The following GRM4 variants were observed in gnomAD, a reference collection of about 807,000 sequenced individuals.
The protein encoded by GRM4 is glutamate metabotropic receptor 4, also known as metabotropic glutamate receptor 4.
Under a neutral mutation model 81.7 loss-of-function variants are expected in GRM4, and 28 were observed. That is an observed-to-expected ratio of 0.34 (90% confidence interval 0.25 to 0.47). GRM4 has a LOEUF of 0.47. GRM4 is among the 20% of genes least tolerant of loss of function. The pLI is 1.00. For synonymous variants in GRM4, 488 were observed against 528.8 expected (o/e 0.92, Z 1.06); for missense variants, 948 against 1,290.0 (o/e 0.73, Z 4.06).
At chr6:34,103,534 C>A in intron 2 of GRM4, 4 of 1,430,016 alleles carry the variant, frequency 2.8e-6, no homozygotes, top group Non-Finnish European at 3.8e-6. Flanking sequence ...CAAATCAGCA[C>A]TTGTCCTATT....
chr6:34,033,069 G>A (rs1764513748), intron 9 of GRM4, among the ~76,000 whole-genome samples: 1 of 152,120 alleles, frequency 6.6e-6, no homozygotes, highest in South Asian at 2.1e-4. Context: ...AGGCGTGAGG[G>A]CCTCTGCCTG....
intron 8 of GRM4, among the ~76,000 whole-genome samples, chr6:34,038,314 T>C (rs1562015339): frequency 6.6e-6 from 1 of 152,258 alleles, no homozygotes; most frequent in Non-Finnish European, 1.5e-5. Flanking sequence ...CTTTGTTACT[T>C]GGAGTGACCT....
intron 3 of GRM4, among the ~76,000 whole-genome samples, chr6:34,081,591 C>T (rs558047242): frequency 5.9e-5 from 9 of 152,294 alleles, no homozygotes; most frequent in African/African-American, 1.9e-4. Flanking sequence ...AATGAAAAAC[C>T]GGAGGCTCAG....
rs1374152279 is a variant in GRM4, at chr6:34,074,470, C to A, written c.737-12442G>T. On this transcript the variant is annotated intron_variant, in intron 3 of 10. Transcript: ENST00000538487. The surrounding 1 kb of genome is among the most constrained non-coding windows in gnomAD (Gnocchi z 4.9). ...ACATCTCAGAGCTGAGCCCTTCCGC[C>A]CCCTACCAGGAGGCTGCTGGGCAGC... Among the ~76,000 whole-genome samples the A allele has an allele frequency of 6.6e-6, 1 of 151,212 alleles. No homozygotes were observed. The highest frequency in any genetic ancestry group is 1.5e-5 in the Non-Finnish European group (1 of 67,978).
In GRM4 at chr6:34,068,163, G is replaced by A. The variant is rs574603499; in HGVS notation, c.737-6135C>T. 6.6e-5 allele frequency among the ~76,000 whole-genome samples: 10 copies of A among 152,160 alleles called. No homozygotes were observed. Among genetic ancestry groups the A allele is most frequent in the East Asian group, 1.9e-4 (1 of 5,196 alleles). On this transcript the variant is annotated intron_variant, in intron 3 of 10. Transcript: ENST00000538487. This position sits in a 1 kb window ranked among gnomAD's most constrained non-coding sequence, Gnocchi z 4.2. ...ATGACGTGCTGGAGGGAGACGGGGG[G>A]GCTGCATCCCCTCAGCCCACCTGGA...
intron 9 of GRM4, among the ~76,000 whole-genome samples, chr6:34,029,321 C>A (rs1764296591): frequency 6.6e-6 from 1 of 152,204 alleles, no homozygotes; most frequent in South Asian, 2.1e-4. Flanking sequence ...GAATCCTCTC[C>A]TGACCCCCAG....
At chr6:34,144,594 G>A (rs1237752220) in intron 1 of GRM4, among the ~76,000 whole-genome samples, 1 of 152,196 alleles carries the variant, frequency 6.6e-6, no homozygotes, top group Non-Finnish European at 1.5e-5. Context: ...CGGCGCTGGG[G>A]CGGGCACGGG....
chr6:34,143,531 G>A (rs1770791840), intron 1 of GRM4, among the ~76,000 whole-genome samples: 1 of 152,202 alleles, frequency 6.6e-6, no homozygotes, highest in Admixed American at 6.5e-5. Flanking sequence ...ACCTCCGAAA[G>A]GGCTCCTGCT....
chr6:34,040,434 C>T, intron 7 of GRM4, 114 bp downstream of exon 7: 1 of 1,435,918 alleles, frequency 7.0e-7, no homozygotes, highest in South Asian at 1.2e-5. Context: ...GATTTCACCT[C>T]TTGGAAACAT....
intron 2 of GRM4, among the ~76,000 whole-genome samples, chr6:34,094,991 G>A (rs903599005): frequency 1.3e-5 from 2 of 152,198 alleles, no homozygotes; most frequent in African/African-American, 2.4e-5. Context: ...GGCCAGACTC[G>A]TTAGAAGCCT....
intron 10 of GRM4, among the ~76,000 whole-genome samples, chr6:34,023,927 G>A (rs557371284): frequency 4.6e-5 from 7 of 152,354 alleles, no homozygotes; most frequent in Admixed American, 2.0e-4. Flanking sequence ...AATCAGGGCA[G>A]TATTGCTGCC....
Position 34,059,200 on chromosome 6 carries a change from G to T in GRM4, c.873-72C>A. 2 of 1,424,838 alleles carry T rather than the reference G, an allele frequency of 1.4e-6. No individual in the cohort carries two copies. Among genetic ancestry groups the T allele is most frequent in the Non-Finnish European group, 2.0e-6 (2 of 1,021,930 alleles). The allele number at this position is 1,424,838 out of a possible 1,614,324, so 88.3% of individuals were successfully genotyped here. On this transcript the variant is annotated intron_variant, in intron 4 of 10. Coordinates refer to ENST00000538487, the MANE Select transcript of GRM4 (RefSeq NM_000841.4). The surrounding 1 kb of genome is among the most constrained non-coding windows in gnomAD (Gnocchi z 5.7). The stretch of plus-strand genomic sequence containing the variant: ...ACTGCCCCCACTCCTGGCCACACTT[G>T]CTTTGGGCCCACGTCCCTCACCCCC...
intron 3 of GRM4, among the ~76,000 whole-genome samples, chr6:34,073,333 ACT>A (rs2127472961): frequency 7.3e-6 from 1 of 136,226 alleles, no homozygotes; most frequent in Admixed American, 7.3e-5. Flanking sequence ...ACACACACAC[ACT>A]CACACTTCAC....
rs1469999547 is a variant in GRM4 at position 34,136,085 on chromosome 6, C to T, written c.-363-2226G>A. Among the ~76,000 whole-genome samples the T allele has an allele frequency of 6.6e-6, 1 of 152,348 alleles. No individual in the cohort carries two copies. The highest frequency in any genetic ancestry group is 1.9e-4 in the East Asian group (1 of 5,184). On this transcript the variant is annotated intron_variant, in intron 1 of 10. Transcript: ENST00000538487. This position sits in a 1 kb window ranked among gnomAD's most constrained non-coding sequence, Gnocchi z 4.1. Reference sequence around the variant, plus strand: ...CCGACGGTGCCTCGTGGAGAAATCACAGCAAAAGACAACCACTGCCATGTG... The same window carrying T: ...CCGACGGTGCCTCGTGGAGAAATCATAGCAAAAGACAACCACTGCCATGTG...
chr6:34,125,707 A>G (rs1248499063), intron 2 of GRM4, among the ~76,000 whole-genome samples: 1 of 152,220 alleles, frequency 6.6e-6, no homozygotes, highest in Non-Finnish European at 1.5e-5. Context: ...GCCCAATGCC[A>G]GGGTTCCCCT....
Position 34,076,733 on chromosome 6 carries a change from T to A in GRM4, c.737-14705A>T, listed in dbSNP as rs534013063. Among the ~76,000 whole-genome samples, 4 of 152,218 alleles carry A rather than the reference T, an allele frequency of 2.6e-5. No homozygotes were observed. The South Asian group carries it at 8.3e-4, about 32-fold the overall frequency. ...CAGGTTGGCGAAGCTGATGGACAGA[T>A]GCTGGGGGCTGGGGCCCAGGGCCCA... On this transcript the variant is annotated intron_variant, in intron 3 of 10. Transcript: ENST00000538487.
At chr6:34,112,167 C>CCCTGTCCAT (rs1263894839) in intron 2 of GRM4, among the ~76,000 whole-genome samples, 5 of 152,204 alleles carry the variant, frequency 3.3e-5, no homozygotes, top group African/African-American at 1.2e-4. Context: ...TCAAACTTCT[C>CCCTGTCCAT]CCTGTCCATC....
In GRM4 at chr6:34,070,792, C is replaced by CACA; in HGVS notation, c.737-8765_737-8764insTGT. On this transcript the variant is annotated intron_variant, in intron 3 of 10. Transcript: ENST00000538487. This position sits in a 1 kb window ranked among gnomAD's most constrained non-coding sequence, Gnocchi z 4.6. ...CACCACACCCCCGCCACACCCCCAG[C>CACA]CACACACACACACACACACACACAC... Among the ~76,000 whole-genome samples the CACA allele has an allele frequency of 7.4e-6, 1 of 135,494 alleles. No individual in the cohort carries two copies. Among genetic ancestry groups the CACA allele is most frequent in the Non-Finnish European group, 1.6e-5 (1 of 63,694 alleles). The allele number at this position is 135,494 out of a possible 152,430, so 88.9% of individuals were successfully genotyped here. A position where few individuals can be genotyped will look rare whatever the true frequency, so the allele number is the denominator to read the frequency against.
In GRM4 at chr6:34,092,027, C is replaced by G; in HGVS notation, c.592G>C (p.Val198Leu). 7.4e-6 allele frequency: 12 copies of G among 1,614,024 alleles called. No individual in the cohort carries two copies. Among genetic ancestry groups the G allele is most frequent in the South Asian group, 5.5e-5 (5 of 91,076 alleles). ...GCCTGGTACGTGTCCGAGGGCACCA[C>G]GCGGGAGAAGAAGTCGTAGCGGCTG... ...DNSRYDFFSR[V>L]VPSDTYQAQA... Residue 198 changes from valine (V) to leucine (L), a missense_variant, in exon 3 of 11, where the codon GTG (valine) becomes CTG (leucine). Physicochemically the swap from Val to Leu is conservative, Grantham distance 32. Transcript: ENST00000538487. This position sits in a 1 kb window ranked among gnomAD's most constrained non-coding sequence, Gnocchi z 6.8.
Sources: allele counts gnomAD v4.1 joint callset (sites outside exome capture counted in the v4.1 genomes callset), GRCh38; gene constraint gnomAD v4.1.1; non-coding constraint Gnocchi (gnomAD v3.1); transcripts MANE v1.5; gene names NCBI Gene and HGNC (gene_info 2026-07-23, HGNC 2026-07-21).